Variants in TPTE2 observed in about 807,000 individuals in gnomAD.
The protein encoded by TPTE2 is transmembrane phosphoinositide 3-phosphatase and tensin homolog 2.
A neutral mutation model predicts 78.6 loss-of-function variants in TPTE2; 53 were observed. The ratio of observed to expected loss-of-function variants is 0.67; its 90% CI spans 0.54 to 0.85. The LOEUF (loss-of-function observed/expected upper bound fraction) is 0.85. TPTE2 is among the 40% of genes least tolerant of loss of function. The probability of loss-of-function intolerance (pLI) is 0.00; values close to 1 mark genes in which losing one functional copy is unlikely to be tolerated. For synonymous variants in TPTE2, 175 were observed against 206.2 expected, an observed-to-expected ratio of 0.85 and a Z score of 1.30; for missense variants, 461 against 623.0, an observed-to-expected ratio of 0.74 and a Z score of 2.77.
At chr13:19,530,249 G>T (rs1463979618) in intron 1 of TPTE2, among the ~76,000 whole-genome samples, 4 of 152,092 alleles carry the variant, frequency 2.6e-5, no homozygotes, top group Non-Finnish European at 5.9e-5. Flanking sequence ...ACTTTATAAG[G>T]TGTTTCAAAA....
intron 13 of TPTE2, among the ~76,000 whole-genome samples, chr13:19,444,030 G>A (rs1181256103): frequency 6.6e-6 from 1 of 152,030 alleles, no homozygotes; most frequent in African/African-American, 2.4e-5. Flanking sequence ...TGGGCACGGT[G>A]GCTCAGACCT....
chr13:19,497,587 G>A (rs1488026280), intron 1 of TPTE2, among the ~76,000 whole-genome samples: 1 of 80,342 alleles, frequency 1.2e-5, no homozygotes, highest in Non-Finnish European at 3.5e-5. Context: ...GCAGCTGAGG[G>A]TCCTGTCTGT....
chr13:19,480,063 A>G (rs1263617780), intron 4 of TPTE2, among the ~76,000 whole-genome samples: 1 of 114,216 alleles, frequency 8.8e-6, no homozygotes, highest in Non-Finnish European at 2.0e-5. Context: ...ACAAATATTA[A>G]CTATGAACAT....
chr13:19,477,231 G>C lies in TPTE2; in HGVS notation c.180-1608C>G, dbSNP rs1159591345. Among the ~76,000 whole-genome samples the C allele has an allele frequency of 4.6e-5, 7 of 151,826 alleles. No homozygotes were observed. The East Asian group carries it at 1.4e-3, about 29-fold the overall frequency. On this transcript the variant is annotated intron_variant, in intron 4 of 19. Coordinates refer to ENST00000400230, the Ensembl canonical transcript of TPTE2. ...CTTAAGTGGGGAGGGTAGGAGGAGAGAGAGGAGCAGAAAAGATAACTATTT... is the reference window on the plus strand; with the variant it reads ...CTTAAGTGGGGAGGGTAGGAGGAGACAGAGGAGCAGAAAAGATAACTATTT...
chr13:19,554,410 T>TAA, the TPTE2 span, among the ~76,000 whole-genome samples: 7 of 103,120 alleles, frequency 6.8e-5, no homozygotes, highest in African/African-American at 1.4e-4. Context: ...ATATAAAAAA[T>TAA]AAAATAAAAT....
intron 10 of TPTE2, among the ~76,000 whole-genome samples, chr13:19,461,243 T>C (rs1878867401): frequency 1.3e-5 from 2 of 152,212 alleles, no homozygotes; most frequent in African/African-American, 2.4e-5. Flanking sequence ...GTCAGGTAAT[T>C]TTCTTTCCTT....
intron 1 of TPTE2, among the ~76,000 whole-genome samples, chr13:19,495,747 G>A (rs796696002): frequency 6.6e-5 from 10 of 152,278 alleles, no homozygotes; most frequent in African/African-American, 2.4e-4. Context: ...TCATACACAG[G>A]GCACTGCCAA....
the TPTE2 span, chr13:19,560,597 C>T: frequency 6.2e-7 from 1 of 1,601,634 alleles, no homozygotes; most frequent in Middle Eastern, 2.2e-4. Context: ...TCAAAGAGGT[C>T]ACAGAGGGTA....
At chr13:19,548,385 C>G in the TPTE2 span, among the ~76,000 whole-genome samples, 2 of 146,710 alleles carry the variant, frequency 1.4e-5, no homozygotes, top group Non-Finnish European at 3.0e-5. Context: ...TACACTTCCC[C>G]TAATTTTCTC....
chr13:19,537,440 C>G (rs1261366800), upstream of TPTE2, among the ~76,000 whole-genome samples: 1 of 151,630 alleles, frequency 6.6e-6, no homozygotes, highest in Non-Finnish European at 1.5e-5. Context: ...ACCTTGTTAG[C>G]CAGGCTGGTC....
At chr13:19,497,184 G>T (rs950088860) in intron 1 of TPTE2, among the ~76,000 whole-genome samples, 1 of 151,520 alleles carries the variant, frequency 6.6e-6, no homozygotes, top group Non-Finnish European at 1.5e-5. Flanking sequence ...TAGCACAGCA[G>T]TCTGAGATCA....
At chr13:19,561,261 G>T in the TPTE2 span, 466 of 1,260,400 alleles carry the variant, frequency 3.7e-4, no homozygotes, top group Admixed American at 8.2e-4. Context: ...TGGACATGGC[G>T]CTGGTCACCT....
At chr13:19,508,043 A>G (rs1160669305), upstream of TPTE2, among the ~76,000 whole-genome samples, 3 of 151,952 alleles carry the variant, frequency 2.0e-5, 1 homozygote, top group East Asian at 5.8e-4. Flanking sequence ...GAGACTCTCT[A>G]CCCTGGGGCA....
intron 1 of TPTE2, among the ~76,000 whole-genome samples, chr13:19,534,369 T>C (rs1419979946): frequency 6.6e-6 from 1 of 152,212 alleles, no homozygotes; most frequent in East Asian, 1.9e-4. Context: ...ACCGTCTGTA[T>C]ATGAAACGCT....
At chr13:19,436,727 T>C (rs1172342913) in intron 14 of TPTE2, among the ~76,000 whole-genome samples, 2 of 152,156 alleles carry the variant, frequency 1.3e-5, no homozygotes, top group African/African-American at 4.8e-5. Flanking sequence ...CAGTGATCTT[T>C]GGGCAGAGGC....
chr13:19,489,658 C>T (rs1566062012), intron 3 of TPTE2, among the ~76,000 whole-genome samples: 2 of 148,666 alleles, frequency 1.3e-5, no homozygotes, highest in African/African-American at 4.9e-5. Context: ...ATGTGTATAT[C>T]TATATACACA....
intron 10 of TPTE2, among the ~76,000 whole-genome samples, chr13:19,459,177 T>C (rs1878729705): frequency 6.6e-6 from 1 of 152,198 alleles, no homozygotes. Flanking sequence ...TCAGTGATGT[T>C]GAGATTTTTT....
chr13:19,423,597 T>TTAGCG (rs1175879163), intron 19 of TPTE2, among the ~76,000 whole-genome samples: 1 of 152,220 alleles, frequency 6.6e-6, no homozygotes, highest in African/African-American at 2.4e-5. Context: ...TCCCATATGC[T>TTAGCG]TAGCGTTCCA....
exon 1 of TPTE2, chr13:19,503,272 G>C: frequency 6.2e-7 from 1 of 1,613,536 alleles, no homozygotes. Context: ...TTCATTTGTG[G>C]GTGGACTAGA....
Sources: allele counts gnomAD v4.1 joint callset (sites outside exome capture counted in the v4.1 genomes callset), GRCh38; gene constraint gnomAD v4.1.1; transcripts MANE v1.5; gene names NCBI Gene and HGNC (gene_info 2026-07-23, HGNC 2026-07-21).